The following GREB1L variants were observed in gnomAD, a reference collection of about 807,000 sequenced individuals.
GREB1L encodes GREB1-like protein.
In GREB1L, 17 loss-of-function variants were observed where a neutral mutation model predicts 200.8. That is an observed-to-expected ratio of 0.08 (90% CI 0.06 to 0.13). The LOEUF (loss-of-function observed/expected upper bound fraction) is 0.13, where lower values mean the gene tolerates loss of function less well. Among genes scored for constraint, GREB1L ranks in the 10% least tolerant of loss-of-function variants. The probability of loss-of-function intolerance (pLI) is 1.00; values close to 1 mark genes in which losing one functional copy is unlikely to be tolerated. For missense variants in GREB1L, 1,657 were observed against 2,367.7 expected (o/e 0.70, Z 6.23); for synonymous variants, 789 against 893.0 (o/e 0.88, Z 2.08).
At chr18:21,503,486 G>A (rs2036884071) in intron 23 of GREB1L, among the ~76,000 whole-genome samples, 1 of 151,970 alleles carries the variant, frequency 6.6e-6, no homozygotes, top group Admixed American at 6.6e-5. Context: ...GATTACAGGT[G>A]TGAGCCACTG....
chr18:21,364,228 G>C (rs1273813791), intron 1 of GREB1L, among the ~76,000 whole-genome samples: 1 of 152,070 alleles, frequency 6.6e-6, no homozygotes, highest in African/African-American at 2.4e-5. Flanking sequence ...CTTTTGGGAG[G>C]CTGGGGACAG....
intron 1 of GREB1L, among the ~76,000 whole-genome samples, chr18:21,334,284 G>C (rs2039151865): frequency 6.6e-6 from 1 of 152,056 alleles, no homozygotes; most frequent in Non-Finnish European, 1.5e-5. Context: ...TCAGTACCTG[G>C]GTAAATAGAT....
rs1252618591 is a variant in GREB1L at position 21,485,356 on chromosome 18, A to G, written c.2557-264A>G. 8 of 323,298 alleles carry G rather than the reference A, an allele frequency of 2.5e-5. No individual in the cohort carries two copies. The East Asian group carries it at 4.0e-4, about 16-fold the overall frequency. The allele number at this position is 323,298 out of a possible 1,614,324, so 20.0% of individuals were successfully genotyped here. On this transcript the variant is annotated intron_variant, in intron 17 of 32. Coordinates refer to ENST00000424526, the MANE Select transcript of GREB1L (RefSeq NM_001142966.3). ...ACCTTGTGTATCCCAACAAAAAAAA[A>G]AGAAAACAAACCATGTGCCTGAAGG...
intron 15 of GREB1L, among the ~76,000 whole-genome samples, chr18:21,458,475 A>G (rs1440929834): frequency 6.6e-6 from 1 of 152,208 alleles, no homozygotes; most frequent in East Asian, 1.9e-4. Flanking sequence ...AGAGTCTGCC[A>G]GGAAAAGCAC....
At chr18:21,282,442 C>A (rs1403047861) in intron 1 of GREB1L, among the ~76,000 whole-genome samples, 1 of 152,138 alleles carries the variant, frequency 6.6e-6, no homozygotes, top group East Asian at 1.9e-4. Context: ...TACCTCTTTT[C>A]ATTCTTGTTT....
chr18:21,397,698 CAGAAAAAA>C (rs1382637391), intron 5 of GREB1L, among the ~76,000 whole-genome samples: 1 of 151,930 alleles, frequency 6.6e-6, no homozygotes, highest in East Asian at 1.9e-4. Flanking sequence ...GAGACTGTCT[CAGAAAAAA>C]AGAAAAAACG....
At chr18:21,406,417 A>G (rs1025513193) in intron 7 of GREB1L, among the ~76,000 whole-genome samples, 1 of 152,226 alleles carries the variant, frequency 6.6e-6, no homozygotes, top group African/African-American at 2.4e-5. Context: ...ATTAGTTATT[A>G]ACAATTTCAG....
Position 21,519,690 on chromosome 18 carries a change from T to C in GREB1L, c.5473-998T>C, listed in dbSNP as rs73425786. ...AAAACATCCTATGAAACAAGTACTA[T>C]TGTTATCTCTACAGATGAGGAAACT... On this transcript the variant is annotated intron_variant, in intron 31 of 32. Coordinates refer to ENST00000424526, the MANE Select transcript of GREB1L (RefSeq NM_001142966.3). Among the ~76,000 whole-genome samples the C allele has an allele frequency of 8.0e-3, 1,219 of 152,292 alleles. 19 individuals are homozygous for C. The highest frequency in any genetic ancestry group is 0.028 in the African/African-American group (1,174 of 41,562).
chr18:21,408,871 A>G (rs972166235), intron 7 of GREB1L, among the ~76,000 whole-genome samples: 11 of 152,074 alleles, frequency 7.2e-5, no homozygotes, highest in Admixed American at 3.3e-4. Flanking sequence ...GACAGTAACA[A>G]GTGTCTGTGG....
intron 1 of GREB1L, among the ~76,000 whole-genome samples, chr18:21,265,768 T>TA (rs1448870675): frequency 3.3e-5 from 5 of 152,190 alleles, no homozygotes; most frequent in African/African-American, 1.2e-4. Context: ...TCTTTTTTTT[T>TA]ATGGGCTTAT....
chr18:21,387,422 C>T (rs1188855280), intron 4 of GREB1L: 2 of 152,172 alleles, frequency 1.3e-5, no homozygotes, highest in East Asian at 3.8e-4. Flanking sequence ...GGTTTTAGAG[C>T]AACATTTCAG....
intron 19 of GREB1L, 102 bp downstream of exon 19, chr18:21,490,453 T>C: frequency 3.4e-6 from 3 of 875,956 alleles, no homozygotes; most frequent in African/African-American, 1.7e-5. Flanking sequence ...TAGAATCACA[T>C]GTGTGATTCC....
chr18:21,314,875 G>C (rs972966094), intron 1 of GREB1L, among the ~76,000 whole-genome samples: 1 of 152,140 alleles, frequency 6.6e-6, no homozygotes, highest in African/African-American at 2.4e-5. Flanking sequence ...TTGATTTTAA[G>C]GGTGGAAATT....
At chr18:21,390,863 A>G (rs538263550) in intron 4 of GREB1L, among the ~76,000 whole-genome samples, 3 of 152,330 alleles carry the variant, frequency 2.0e-5, no homozygotes, top group South Asian at 4.2e-4. Flanking sequence ...AGTAAAAAAC[A>G]AAACAAAACA....
At chr18:21,258,139 A>G (rs1388544830) in intron 1 of GREB1L, among the ~76,000 whole-genome samples, 1 of 152,230 alleles carries the variant, frequency 6.6e-6, no homozygotes, top group African/African-American at 2.4e-5. Context: ...TATTACCCAG[A>G]AAGGTAACTT....
chr18:21,439,757 G>T (rs2033792747), intron 8 of GREB1L, 120 bp downstream of exon 8: 6 of 687,440 alleles, frequency 8.7e-6, no homozygotes, highest in Non-Finnish European at 1.5e-5. Context: ...TCGTCATACA[G>T]TGTTTTGAAA....
At chr18:21,490,458 G>C (rs2036289374) in intron 19 of GREB1L, 107 bp downstream of exon 19, 1 of 858,606 alleles carries the variant, frequency 1.2e-6, no homozygotes, top group African/African-American at 1.7e-5. Flanking sequence ...TCACATGTGT[G>C]ATTCCATGAC....
At position 21,508,163 on chromosome 18, in the gene GREB1L, C is replaced by A; in HGVS notation, c.4414C>A (p.Leu1472Met). Residue 1472 changes from leucine (L) to methionine (M), a missense_variant, in exon 26 of 33, where the codon CTG becomes ATG. By Grantham distance (15) the Leu-to-Met change is conservative (BLOSUM62 2). This residue lies in a region of GREB1L where 512 missense variants were observed against 668.3 expected (regional missense o/e 0.77). Coordinates refer to ENST00000424526, the MANE Select transcript of GREB1L (RefSeq NM_001142966.3). ...LHAFTFSSSM[L>M]GEEVQLYFII... ...TGCCTTCACATTCTCTTCTTCTATGCTGGGAGAAGAGGTTCAGCTCTATTT... is the reference window on the plus strand; with the variant it reads ...TGCCTTCACATTCTCTTCTTCTATGATGGGAGAAGAGGTTCAGCTCTATTT... The A allele has an allele frequency of 1.3e-6, 2 of 1,551,368 alleles. No individual in the cohort carries two copies. The highest frequency in any genetic ancestry group is 1.7e-6 in the Non-Finnish European group (2 of 1,146,748).
At chr18:21,483,554 C>T (rs2036003033) in intron 17 of GREB1L, among the ~76,000 whole-genome samples, 2 of 152,158 alleles carry the variant, frequency 1.3e-5, no homozygotes. Flanking sequence ...TACCCTCAAA[C>T]CCTATTCCTA....
Sources: allele counts gnomAD v4.1 joint callset (sites outside exome capture counted in the v4.1 genomes callset), GRCh38; gene constraint gnomAD v4.1.1; regional missense constraint gnomAD v4.1.1; transcripts MANE v1.5; gene names NCBI Gene and HGNC (gene_info 2026-07-23, HGNC 2026-07-21).